The following GULP1 variants were observed in gnomAD, a reference collection of about 807,000 sequenced individuals.
The protein encoded by GULP1 is PTB domain-containing engulfment adapter protein 1.
GULP1 carries 19 observed loss-of-function variants against 40.9 expected under a neutral mutation model. The observed-to-expected ratio is 0.46, with a 90% CI of 0.32 to 0.68. The LOEUF (loss-of-function observed/expected upper bound fraction) is 0.68. Among genes scored for constraint, GULP1 ranks in the 30% least tolerant of loss-of-function variants. GULP1 has a pLI of 0.03. For synonymous variants in GULP1, 119 were observed against 117.6 expected (o/e 1.01, Z -0.08); for missense variants, 312 against 362.2 (o/e 0.86, Z 1.12).
At chr2:188,369,402 A>T in intron 1 of GULP1, among the ~76,000 whole-genome samples, 1 of 151,578 alleles carries the variant, frequency 6.6e-6, no homozygotes, top group East Asian at 1.9e-4. Context: ...AAAAAAAAAA[A>T]CTCACTCACC....
chr2:188,444,666 A>C lies in GULP1; in HGVS notation c.-44-32993A>C, dbSNP rs2058230359. Among the ~76,000 whole-genome samples the C allele has an allele frequency of 2.0e-5, 3 of 152,186 alleles. No homozygotes were observed. In the South Asian group the frequency reaches 6.2e-4, roughly 31 times the overall value. On this transcript the variant is annotated intron_variant, in intron 2 of 11. Coordinates refer to ENST00000409830, the MANE Select transcript of GULP1 (RefSeq NM_016315.4). The stretch of plus-strand genomic sequence containing the variant: ...TAGTAATTTCCGATATTCTGTGTGC[A>C]TTCCGGTCCTCAGCATATAACTGGG...
intron 2 of GULP1, among the ~76,000 whole-genome samples, chr2:188,399,390 T>C (rs189486760): frequency 2.0e-5 from 3 of 152,170 alleles, no homozygotes; most frequent in Admixed American, 2.0e-4. Context: ...ATTTGCCCCC[T>C]GCCAGGAACC....
chr2:188,474,476 G>A (rs1481385769), intron 2 of GULP1, among the ~76,000 whole-genome samples: 19 of 152,140 alleles, frequency 1.2e-4, no homozygotes, highest in Admixed American at 1.1e-3. Flanking sequence ...ATGGCCAGGG[G>A]TCAGTTGAGT....
chr2:188,450,063 A>T (rs1006675053), intron 2 of GULP1, among the ~76,000 whole-genome samples: 2 of 152,192 alleles, frequency 1.3e-5, no homozygotes, highest in African/African-American at 4.8e-5. Flanking sequence ...ATTGATGGTT[A>T]TCTAAGATAA....
rs532508926 is a variant in GULP1, at chr2:188,306,550, A to G, written c.-172+14384A>G. Among the ~76,000 whole-genome samples, 7 of 152,240 alleles carry G rather than the reference A, an allele frequency of 4.6e-5. No individual in the cohort carries two copies. In the South Asian group the frequency reaches 1.2e-3, roughly 27 times the overall value. On this transcript the variant is annotated intron_variant, in intron 1 of 11. Transcript: ENST00000409830. The stretch of plus-strand genomic sequence containing the variant: ...TAGAAAGCAATGAGAGTGTGCAGAG[A>G]GTGGTTCAAATGTGTAAGCAGGAGG...
At chr2:188,510,741 G>T (rs1012461722) in intron 4 of GULP1, among the ~76,000 whole-genome samples, 24 of 150,990 alleles carry the variant, frequency 1.6e-4, no homozygotes, top group Non-Finnish European at 5.9e-5. Flanking sequence ...AATGAGAATT[G>T]CAAATAAATT....
At chr2:188,515,362 C>G (rs1369815885) in intron 4 of GULP1, among the ~76,000 whole-genome samples, 1 of 152,170 alleles carries the variant, frequency 6.6e-6, no homozygotes, top group Non-Finnish European at 1.5e-5. Context: ...GCGCTCTTTT[C>G]AATCTCTCAG....
At chr2:188,512,192 A>G (rs1180690665) in intron 4 of GULP1, among the ~76,000 whole-genome samples, 1 of 152,152 alleles carries the variant, frequency 6.6e-6, no homozygotes, top group Non-Finnish European at 1.5e-5. Flanking sequence ...TATGGAGTCA[A>G]ATTGCCTCAA....
At chr2:188,443,294 A>C (rs1406693003) in intron 2 of GULP1, among the ~76,000 whole-genome samples, 1 of 152,270 alleles carries the variant, frequency 6.6e-6, no homozygotes, top group African/African-American at 2.4e-5. Context: ...GTTTCACATA[A>C]GCCTTGCTGC....
chr2:188,478,351 A>G (rs1434760801), intron 3 of GULP1, among the ~76,000 whole-genome samples: 2 of 152,144 alleles, frequency 1.3e-5, no homozygotes, highest in Non-Finnish European at 2.9e-5. Context: ...TGATGCACTT[A>G]TAAAGAAAGA....
intron 10 of GULP1, among the ~76,000 whole-genome samples, chr2:188,584,802 CTTTT>C (rs1702025305): frequency 6.6e-6 from 1 of 151,800 alleles, no homozygotes; most frequent in Non-Finnish European, 1.5e-5. Flanking sequence ...GGTTTATGGA[CTTTT>C]TTGTTAAAAA....
At chr2:188,542,079 C>T (rs1416769704) in intron 7 of GULP1, 2 of 151,834 alleles carry the variant, frequency 1.3e-5, no homozygotes, top group East Asian at 3.9e-4. Context: ...TGAATTCCAG[C>T]CTGGCGGCAG....
intron 2 of GULP1, among the ~76,000 whole-genome samples, chr2:188,401,415 T>C (rs899322716): frequency 3.9e-5 from 6 of 152,174 alleles, no homozygotes; most frequent in Non-Finnish European, 8.8e-5. Context: ...TATTTATTTT[T>C]ACTTATTTTT....
intron 2 of GULP1, among the ~76,000 whole-genome samples, chr2:188,425,341 T>C (rs184398734): frequency 1.1e-4 from 17 of 152,100 alleles, no homozygotes; most frequent in African/African-American, 4.1e-4. Flanking sequence ...TGCAGTTTAT[T>C]ATTCTAATCC....
chr2:188,590,909 T>C (rs775508224), intron 11 of GULP1: 6 of 152,138 alleles, frequency 3.9e-5, no homozygotes, highest in Non-Finnish European at 5.9e-5. Context: ...AATGCCGAGA[T>C]AAATTTCAGA....
chr2:188,355,337 A>T (rs1480900947), intron 1 of GULP1, among the ~76,000 whole-genome samples: 3 of 152,158 alleles, frequency 2.0e-5, no homozygotes, highest in Non-Finnish European at 4.4e-5. Flanking sequence ...ATCAGAAATG[A>T]AAAAGGACAC....
intron 4 of GULP1, among the ~76,000 whole-genome samples, chr2:188,499,802 AG>A (rs934953793): frequency 4.5e-4 from 68 of 151,968 alleles, no homozygotes; most frequent in African/African-American, 1.6e-3. Flanking sequence ...AAACATATAC[AG>A]GTAGTATTTT....
intron 10 of GULP1, among the ~76,000 whole-genome samples, 181 bp downstream of exon 10, chr2:188,584,584 A>G (rs1701984194): frequency 1.3e-5 from 2 of 151,990 alleles, no homozygotes; most frequent in African/African-American, 2.4e-5. Context: ...AATTCAGACT[A>G]CACTACTAAT....
intron 7 of GULP1, among the ~76,000 whole-genome samples, chr2:188,543,204 T>C (rs1367716952): frequency 1.3e-5 from 2 of 151,948 alleles, no homozygotes; most frequent in East Asian, 3.9e-4. Flanking sequence ...AAAAAATAAA[T>C]AAAAAAAGAT....
Sources: gnomAD v4.1 joint callset for allele counts (sites outside exome capture counted in the v4.1 genomes callset) on GRCh38, gnomAD v4.1.1 for gene constraint, MANE v1.5 for transcripts, NCBI Gene and HGNC (gene_info 2026-07-23, HGNC 2026-07-21) for gene names.